CELF2: variants seen among roughly 807,000 people sequenced by gnomAD.
The protein encoded by CELF2 is CUGBP Elav-like family member 2, also known as CUG triplet repeat RNA-binding protein 2.
Under a neutral mutation model 62.6 loss-of-function variants are expected in CELF2, and 8 were observed. That is an observed-to-expected ratio of 0.13 (90% CI 0.07 to 0.23). The LOEUF (loss-of-function observed/expected upper bound fraction) is 0.23, where lower values mean the gene tolerates loss of function less well. Among genes scored for constraint, CELF2 ranks in the 10% least tolerant of loss-of-function variants. The pLI is 1.00. For synonymous variants in CELF2, 258 were observed against 250.0 expected (o/e 1.03, Z -0.30); for missense variants, 333 against 671.0 (o/e 0.50, Z 5.56).
chr10:10,986,277 A>T (rs2052739628), intron 2 of CELF2, among the ~76,000 whole-genome samples: 1 of 152,220 alleles, frequency 6.6e-6, no homozygotes, highest in Admixed American at 6.5e-5. Context: ...ATCTAGGATA[A>T]ATCAAAATAC....
intron 1 of CELF2, among the ~76,000 whole-genome samples, chr10:11,055,549 A>G (rs1291831): frequency 0.52 from 78,783 of 152,134 alleles, 23,007 homozygotes; most frequent in African/African-American, 0.78. Flanking sequence ...CATGCTTCAT[A>G]CACTTATGAG....
intron 2 of CELF2, among the ~76,000 whole-genome samples, chr10:11,192,844 G>A (rs1368098325): frequency 6.6e-6 from 1 of 152,184 alleles, no homozygotes; most frequent in Non-Finnish European, 1.5e-5. Context: ...TAATTCCCCT[G>A]CTGGGTCCCA....
Position 11,230,849 on chromosome 10 carries a change from T to C in CELF2, c.354+13342T>C, listed in dbSNP as rs573391954. 3.3e-5 allele frequency among the ~76,000 whole-genome samples: 5 copies of C among 152,300 alleles called. No individual in the cohort carries two copies. In the South Asian group the frequency reaches 1.0e-3, roughly 32 times the overall value. On this transcript the variant is annotated intron_variant, in intron 3 of 12. Transcript: ENST00000633077. The stretch of plus-strand genomic sequence containing the variant: ...ACAATTTTCTGCCACAAAGAGTTAA[T>C]CTGTAATACTCAGCAGCTCATTTCC...
At position 11,268,957 on chromosome 10, in the gene CELF2, A is replaced by C. The variant is rs2082941796; in HGVS notation, c.619-1709A>C. 1.3e-5 allele frequency among the ~76,000 whole-genome samples: 2 copies of C among 152,172 alleles called. No homozygotes were observed. Among genetic ancestry groups the C allele is most frequent in the African/African-American group, 4.8e-5 (2 of 41,424 alleles). On this transcript the variant is annotated intron_variant, in intron 6 of 12. Transcript: ENST00000633077. This position sits in a 1 kb window ranked among gnomAD's most constrained non-coding sequence, Gnocchi z 4.7. Reference sequence around the variant, plus strand: ...TCCCTGCCCTGTGTTTCATGGTTTAAAAAATCATTTTTAAGCTATAATCAT... The same window carrying C: ...TCCCTGCCCTGTGTTTCATGGTTTACAAAATCATTTTTAAGCTATAATCAT...
intron 4 of CELF2, chr10:11,257,474 C>G: frequency 3.0e-6 from 1 of 334,944 alleles, no homozygotes; most frequent in Non-Finnish European, 5.7e-6. Context: ...GAGAAAAGAA[C>G]TTAACAGCAT....
rs2095442572 is a variant in CELF2, at chr10:11,321,640, A to T, written c.1294+254A>T. On this transcript the variant is annotated intron_variant, in intron 11 of 12. Transcript: ENST00000633077. The surrounding 1 kb of genome is among the most constrained non-coding windows in gnomAD (Gnocchi z 6.2). ...GCTGAGGCTGCAGTGAGCCATGGTC[A>T]TGCCTGTGACTAGCCACTGCACTCC... is the stretch of plus-strand genomic sequence containing the variant. Among the ~76,000 whole-genome samples the T allele has an allele frequency of 6.6e-6, 1 of 152,180 alleles. No homozygotes were observed. Among genetic ancestry groups the T allele is most frequent in the Admixed American group, 6.5e-5 (1 of 15,290 alleles).
At chr10:11,044,170 T>G (rs1184234729) in intron 1 of CELF2, among the ~76,000 whole-genome samples, 3 of 152,214 alleles carry the variant, frequency 2.0e-5, no homozygotes, top group Admixed American at 6.5e-5. Context: ...CTTACCTTAC[T>G]TTATCCCCTT....
chr10:10,567,224 T>C, the CELF2 span, among the ~76,000 whole-genome samples: 1 of 152,174 alleles, frequency 6.6e-6, no homozygotes, highest in African/African-American at 2.4e-5. Context: ...GGAATAGAAA[T>C]AAACTGCCTT....
upstream of CELF2, chr10:10,796,861 G>C (rs1390225107): frequency 5.1e-6 from 5 of 984,494 alleles, no homozygotes; most frequent in East Asian, 4.5e-4. Context: ...CACAGCCCAG[G>C]AAGAAGCTTG....
chr10:10,988,632 C>G (rs540643321), intron 2 of CELF2, among the ~76,000 whole-genome samples: 1 of 151,958 alleles, frequency 6.6e-6, no homozygotes, highest in East Asian at 1.9e-4. Context: ...TCCAAGTAAC[C>G]AAAAACCATC....
rs1381176582 is a variant in CELF2 at position 11,280,408 on chromosome 10, C to A, written c.841+5288C>A. 7.9e-5 allele frequency among the ~76,000 whole-genome samples: 12 copies of A among 152,214 alleles called. No homozygotes were observed. Among genetic ancestry groups the A allele is most frequent in the Non-Finnish European group, 1.8e-4 (12 of 68,042 alleles). Reference sequence around the variant, plus strand: ...CTGGTGTCCGCACATCAGGCCAGTGCCTTTCCCCAAAACCGTTTCTCCCCC... The same window carrying A: ...CTGGTGTCCGCACATCAGGCCAGTGACTTTCCCCAAAACCGTTTCTCCCCC... On this transcript the variant is annotated intron_variant, in intron 8 of 12. Coordinates refer to ENST00000633077, the MANE Select transcript of CELF2 (RefSeq NM_001326342.2). This position sits in a 1 kb window ranked among gnomAD's most constrained non-coding sequence, Gnocchi z 7.6.
chr10:10,834,905 T>C (rs2058152363), intron 1 of CELF2, among the ~76,000 whole-genome samples: 1 of 152,194 alleles, frequency 6.6e-6, no homozygotes, highest in South Asian at 2.1e-4. Context: ...TGTGGATCTG[T>C]CTCCCTGGGC....
the CELF2 span, among the ~76,000 whole-genome samples, chr10:10,693,971 T>G: frequency 6.6e-6 from 1 of 151,922 alleles, no homozygotes; most frequent in African/African-American, 2.4e-5. Context: ...AGCTCCTGGA[T>G]TCATTAATTT....
the CELF2 span, among the ~76,000 whole-genome samples, chr10:10,720,237 A>C: frequency 6.6e-6 from 1 of 152,232 alleles, no homozygotes; most frequent in African/African-American, 2.4e-5. Flanking sequence ...TGAATTAAAT[A>C]AGTTTTTAAA....
the CELF2 span, among the ~76,000 whole-genome samples, chr10:10,476,308 A>T: frequency 2.2e-4 from 33 of 152,128 alleles, no homozygotes; most frequent in Non-Finnish European, 4.6e-4. Flanking sequence ...ATTATTCAAC[A>T]TTATGTTTAC....
chr10:11,230,261 G>A (rs182001420), intron 3 of CELF2, among the ~76,000 whole-genome samples: 116 of 152,314 alleles, frequency 7.6e-4, no homozygotes, highest in African/African-American at 2.6e-3. Flanking sequence ...TTCACAGTGC[G>A]TCTGTGTGTC....
chr10:10,576,820 A>G, the CELF2 span, among the ~76,000 whole-genome samples: 105 of 152,284 alleles, frequency 6.9e-4, no homozygotes, highest in African/African-American at 2.5e-3. Context: ...AAAGTAAATT[A>G]ACACTGGAGT....
At chr10:11,142,785 T>TGG (rs2061575055) in intron 1 of CELF2, among the ~76,000 whole-genome samples, 2 of 151,000 alleles carry the variant, frequency 1.3e-5, no homozygotes, top group African/African-American at 4.9e-5. Context: ...AACTCAGTAG[T>TGG]GGTGCGTGGA....
At chr10:10,472,671 G>A in the CELF2 span, among the ~76,000 whole-genome samples, 1 of 151,816 alleles carries the variant, frequency 6.6e-6, no homozygotes, top group Non-Finnish European at 1.5e-5. Flanking sequence ...CCACTGTCAT[G>A]ACAATGAATT....
Sources: gnomAD v4.1 joint callset for allele counts (sites outside exome capture counted in the v4.1 genomes callset) on GRCh38, gnomAD v4.1.1 for gene constraint, Gnocchi (gnomAD v3.1) non-coding constraint, MANE v1.5 for transcripts, NCBI Gene and HGNC (gene_info 2026-07-23, HGNC 2026-07-21) for gene names.